NSD3: variants seen among roughly 807,000 people sequenced by gnomAD.
The protein encoded by NSD3 is histone-lysine N-methyltransferase NSD3.
Under a neutral mutation model 160.8 loss-of-function variants are expected in NSD3, and 24 were observed. That is an observed-to-expected ratio of 0.15 (90% CI 0.11 to 0.21). NSD3 has a LOEUF of 0.21. Among genes scored for constraint, NSD3 ranks in the 10% least tolerant of loss-of-function variants. The pLI is 1.00. For synonymous variants in NSD3, 520 were observed against 600.0 expected (o/e 0.87, Z 1.95); for missense variants, 1,157 against 1,735.9 (o/e 0.67, Z 5.93).
intron 20 of NSD3, chr8:38,280,209 A>G (rs1287092997): frequency 6.6e-6 from 1 of 152,384 alleles, no homozygotes; most frequent in African/African-American, 2.4e-5. Flanking sequence ...CTCTGTTTTT[A>G]CTTAAAGTTC....
At chr8:38,291,876 CTGGGCCTGACTGGAAAGAAATACA>C (rs1809004030) in intron 16 of NSD3, among the ~76,000 whole-genome samples, 1 of 152,184 alleles carries the variant, frequency 6.6e-6, no homozygotes, top group Non-Finnish European at 1.5e-5. Context: ...TGCAGCCCCA[CTGGGCCTGACTGGAAAGAAATACA>C]TTAAGAATTA....
At position 38,272,320 on chromosome 8, in the gene NSD3, TAA is replaced by T. The variant is rs930987037; in HGVS notation, c.*3319_*3320del. The stretch of plus-strand genomic sequence containing the variant: ...ATGAGGCCAGATCATTTTTGAGAAT[TAA>T]GATAAGAGTGGGAACTTGTTAAAAC... On this transcript the variant is annotated 3_prime_UTR_variant, in exon 24 of 24. Transcript: ENST00000317025. 3.3e-5 allele frequency: 5 copies of T among 152,024 alleles called. No homozygotes were observed. The highest frequency in any genetic ancestry group is 1.2e-4 in the African/African-American group (5 of 41,432). The allele number at this position is 152,024 out of a possible 1,614,324, so 9.4% of individuals were successfully genotyped here.
Position 38,326,843 on chromosome 8 carries a change from T to A in NSD3, c.1595A>T (p.Lys532Ile). 1 of 1,613,698 alleles carries A rather than the reference T, an allele frequency of 6.2e-7. No homozygotes were observed. Among genetic ancestry groups the A allele is most frequent in the Non-Finnish European group, 8.5e-7 (1 of 1,179,884 alleles). The part of the protein sequence containing the change: ...FVYSTKGIGN[K>I]TEISVRGQDR... The stretch of plus-strand genomic sequence containing the variant: ...TTGCCCCCTGACACTTATTTCTGTT[T>A]TGTTACCAATTCCCTTTAAAATAAG... Residue 532 changes from lysine to isoleucine, a missense_variant, in exon 7 of 24, where the codon AAA becomes ATA. Physicochemically the swap from Lys to Ile is moderately radical, Grantham distance 102. Around this residue, in one of 10 missense-constraint regions of NSD3, gnomAD observed 102 missense variants for 126.5 expected, o/e 0.81. Transcript: ENST00000317025.
intron 12 of NSD3, among the ~76,000 whole-genome samples, chr8:38,310,317 T>C (rs1201442964): frequency 6.6e-6 from 1 of 152,238 alleles, no homozygotes; most frequent in African/African-American, 2.4e-5. Context: ...TCACTCAGCA[T>C]AAAGTCCTCA....
rs1810559479 is a variant in NSD3 at position 38,347,260 on chromosome 8, G to C, written c.675+237C>G. On this transcript the variant is annotated intron_variant, in intron 2 of 23. Transcript: ENST00000317025. ...AAATAACCGAGGTCATCAGGACAAAGAAACATAAGCAGAAAGATTCGTTTT... is the reference window on the plus strand; with the variant it reads ...AAATAACCGAGGTCATCAGGACAAACAAACATAAGCAGAAAGATTCGTTTT... 1.3e-5 allele frequency among the ~76,000 whole-genome samples: 2 copies of C among 152,132 alleles called. 1 individual carries two copies. The highest frequency in any genetic ancestry group is 1.3e-4 in the Admixed American group (2 of 15,266).
intron 4 of NSD3, among the ~76,000 whole-genome samples, chr8:38,334,976 C>T (rs1257886385): frequency 1.3e-5 from 2 of 148,930 alleles, no homozygotes; most frequent in Non-Finnish European, 3.0e-5. Context: ...GGGTACCAGG[C>T]TAGAATTTTT....
intron 1 of NSD3, among the ~76,000 whole-genome samples, chr8:38,378,783 A>G (rs1247675208): frequency 6.6e-6 from 1 of 151,296 alleles, no homozygotes; most frequent in East Asian, 1.9e-4. Flanking sequence ...AGATCGCACC[A>G]TTGCACTCCA....
chr8:38,310,976 C>T (rs571637314), intron 12 of NSD3, among the ~76,000 whole-genome samples: 1 of 152,056 alleles, frequency 6.6e-6, no homozygotes, highest in African/African-American at 2.4e-5. Context: ...ATAGTTAAGC[C>T]AACATGTTGT....
rs370732262 is a variant in NSD3 at position 38,313,852 on chromosome 8, TAAGAA to T, written c.2242+790_2242+794del. Among the ~76,000 whole-genome samples the T allele has an allele frequency of 4.5e-3, 659 of 147,888 alleles. 5 individuals carry two copies. Among genetic ancestry groups the T allele is most frequent in the African/African-American group, 0.015 (619 of 40,250 alleles). On this transcript the variant is annotated intron_variant, in intron 12 of 23. Coordinates refer to ENST00000317025, the MANE Select transcript of NSD3 (RefSeq NM_023034.2). ...AGATTTTAGGAGGCATACAATCAAA[TAAGAA>T]AAGATAAAATAAATATCTGTAAGAA...
chr8:38,285,002 T>C (rs1328059414), intron 19 of NSD3, among the ~76,000 whole-genome samples: 3 of 152,208 alleles, frequency 2.0e-5, no homozygotes, highest in African/African-American at 7.2e-5. Flanking sequence ...CTGACTAGAC[T>C]TAAAAACCAT....
At chr8:38,352,705 T>G (rs1205443301) in intron 1 of NSD3, among the ~76,000 whole-genome samples, 1 of 152,000 alleles carries the variant, frequency 6.6e-6, no homozygotes, top group Non-Finnish European at 1.5e-5. Context: ...CTTCCTGGGT[T>G]CAGATGATTC....
chr8:38,315,560 A>G lies in NSD3; in HGVS notation c.1987-16T>C, dbSNP rs761169449. 5.0e-6 allele frequency: 8 copies of G among 1,611,334 alleles called. No homozygotes were observed. The East Asian group carries it at 1.3e-4, about 27-fold the overall frequency. On this transcript the variant is annotated splice_polypyrimidine_tract_variant and intron_variant, in intron 10 of 23. Transcript: ENST00000317025. ...CAAAGCCTACCTACATAGAAAACAT[A>G]GCATTTTTAAGAAAAACAAAATGAA...
chr8:38,330,333 A>C (rs964044756), intron 5 of NSD3, among the ~76,000 whole-genome samples: 5 of 152,202 alleles, frequency 3.3e-5, no homozygotes, highest in Non-Finnish European at 7.4e-5. Context: ...CAACAAAGCT[A>C]CTGGCAGAGT....
At chr8:38,343,558 C>G (rs886150704) in intron 2 of NSD3, among the ~76,000 whole-genome samples, 3 of 151,978 alleles carry the variant, frequency 2.0e-5, no homozygotes, top group Non-Finnish European at 1.5e-5. Context: ...CAAAAACTAG[C>G]CAGGCGTGGT....
chr8:38,289,595 T>G, intron 17 of NSD3, 90 bp from the exon 18 acceptor site: 1 of 1,163,008 alleles, frequency 8.6e-7, no homozygotes, highest in Non-Finnish European at 1.2e-6. Context: ...CCCAATGCTT[T>G]GCATCTGGCC....
At chr8:38,381,746 G>GCGCA (rs1429147201) in intron 1 of NSD3, 53 bp downstream of exon 1, 2 of 144,796 alleles carry the variant, frequency 1.4e-5, no homozygotes, top group African/African-American at 2.6e-5. Context: ...GCGCGCGCGC[G>GCGCA]CACACACACA....
rs1172319281 is a variant in NSD3, at chr8:38,289,483, A to G, written c.3141T>C (p.Arg1047=). The change falls in exon 18 of 24, where the codon CGT becomes CGC. Residue 1047 remains arginine, a synonymous_variant. Transcript: ENST00000317025. The part of the protein sequence containing the change: ...FKKALEEAAK[R]FQELKAQRES... ...CTCTTTGTGCTTTCAATTCCTGGAA[A>G]CGTTTTGCAGCTTCTTCCAGTGCTG... 1.2e-6 allele frequency: 2 copies of G among 1,613,492 alleles called. No individual in the cohort carries two copies. The highest frequency in any genetic ancestry group is 2.7e-5 in the African/African-American group (2 of 74,806).
intron 2 of NSD3, among the ~76,000 whole-genome samples, chr8:38,338,977 TA>T (rs1410261163): frequency 1.6e-4 from 25 of 151,924 alleles, no homozygotes; most frequent in African/African-American, 6.0e-4. Flanking sequence ...CCGTCTCTAC[TA>T]AAAATTAAAA....
At chr8:38,368,234 A>G (rs758923136) in intron 1 of NSD3, among the ~76,000 whole-genome samples, 2 of 152,230 alleles carry the variant, frequency 1.3e-5, no homozygotes, top group East Asian at 3.8e-4. Context: ...TGTTGGGATT[A>G]CAGGTGTGAG....
Sources: gnomAD v4.1 joint callset for allele counts (sites outside exome capture counted in the v4.1 genomes callset) on GRCh38, gnomAD v4.1.1 for gene constraint, gnomAD v4.1.1 regional missense constraint, MANE v1.5 for transcripts, NCBI Gene and HGNC (gene_info 2026-07-23, HGNC 2026-07-21) for gene names.